The following DAAM2 variants were observed in gnomAD, a reference collection of about 807,000 sequenced individuals.
DAAM2 encodes the protein dishevelled associated activator of morphogenesis 2, also known as disheveled-associated activator of morphogenesis 2.
DAAM2 carries 39 observed loss-of-function variants against 120.7 expected under a neutral mutation model. The observed-to-expected ratio is 0.32, with a 90% CI of 0.25 to 0.42. DAAM2 has a LOEUF of 0.42. Among genes scored for constraint, DAAM2 ranks in the 10% least tolerant of loss-of-function variants. The probability of loss-of-function intolerance (pLI) is 1.00; values close to 1 mark genes in which losing one functional copy is unlikely to be tolerated. For synonymous variants in DAAM2, 488 were observed against 524.9 expected (o/e 0.93, Z 0.96); for missense variants, 1,283 against 1,401.7 (o/e 0.92, Z 1.35).
At position 39,904,180 on chromosome 6, in the gene DAAM2, A is replaced by G. The variant is rs79447033; in HGVS notation, c.*2143A>G. ...GGACTATGGAAGCTGTTCAAGATAC[A>G]TTTGATCTTCAGAAAAGCAGAATTT... On this transcript the variant is annotated 3_prime_UTR_variant, in exon 25 of 25. Coordinates refer to ENST00000274867, the MANE Select transcript of DAAM2 (RefSeq NM_001201427.2). 5.0e-4 allele frequency: 229 copies of G among 456,700 alleles called. 1 individual carries two copies. The highest frequency in any genetic ancestry group is 4.3e-3 in the African/African-American group (218 of 50,190). The allele number at this position is 456,700 out of a possible 1,614,324, so 28.3% of individuals were successfully genotyped here. A position where few individuals can be genotyped will look rare whatever the true frequency, so the allele number is the denominator to read the frequency against.
chr6:39,901,611 A>G lies in DAAM2; in HGVS notation c.2982+139A>G, dbSNP rs1766489427. The stretch of plus-strand genomic sequence containing the variant: ...ATAGGGGTTGGATGTCAGCCCCAGG[A>G]GAGAGAAACTTCTTCCCAGCCTGAG... On this transcript the variant is annotated intron_variant, in intron 24 of 24. Transcript: ENST00000274867. This position sits in a 1 kb window ranked among gnomAD's most constrained non-coding sequence, Gnocchi z 4.5. The G allele has an allele frequency of 1.8e-6, 2 of 1,086,522 alleles. No individual in the cohort carries two copies. Among genetic ancestry groups the G allele is most frequent in the African/African-American group, 3.2e-5 (2 of 63,190 alleles). 67.3% of individuals were successfully genotyped at this position (1,086,522 alleles called of 1,614,324 possible). A position where few individuals can be genotyped will look rare whatever the true frequency, so the allele number is the denominator to read the frequency against.
At chr6:39,795,371 C>T (rs190678400) in intron 1 of DAAM2, among the ~76,000 whole-genome samples, 11 of 152,240 alleles carry the variant, frequency 7.2e-5, no homozygotes, top group African/African-American at 1.4e-4. Context: ...AGAGGCAGCC[C>T]GACAACAATG....
chr6:39,853,000 C>T (rs1019688852), intron 1 of DAAM2, among the ~76,000 whole-genome samples: 7 of 152,128 alleles, frequency 4.6e-5, no homozygotes, highest in Non-Finnish European at 5.9e-5. Flanking sequence ...TCTGCTCTAG[C>T]GGAGGGAGGC....
At chr6:39,858,592 C>G (rs931781141) in intron 2 of DAAM2, among the ~76,000 whole-genome samples, 1 of 152,244 alleles carries the variant, frequency 6.6e-6, no homozygotes, top group East Asian at 1.9e-4. Context: ...CACATTCTTT[C>G]TGTACATCAG....
At chr6:39,824,225 G>C (rs2114149922) in intron 1 of DAAM2, among the ~76,000 whole-genome samples, 1 of 152,254 alleles carries the variant, frequency 6.6e-6, no homozygotes, top group Non-Finnish European at 1.5e-5. Context: ...TGCCTGCTGG[G>C]CAGTAGGCAC....
intron 11 of DAAM2, among the ~76,000 whole-genome samples, chr6:39,876,906 G>C (rs1294222430): frequency 6.6e-6 from 1 of 152,188 alleles, no homozygotes; most frequent in Admixed American, 6.5e-5. Context: ...GGTCTTACTT[G>C]ATAAGATAAT....
At chr6:39,825,720 CTGTACTGAG>C (rs533804615) in intron 1 of DAAM2, among the ~76,000 whole-genome samples, 133 of 152,316 alleles carry the variant, frequency 8.7e-4, no homozygotes, top group African/African-American at 2.9e-3. Flanking sequence ...ACCCCGATAT[CTGTACTGAG>C]TGTACTGAGT....
chr6:39,803,653 C>T (rs1168677483), intron 1 of DAAM2, among the ~76,000 whole-genome samples: 4 of 152,142 alleles, frequency 2.6e-5, no homozygotes, highest in Non-Finnish European at 4.4e-5. Flanking sequence ...GAATCTGAAG[C>T]TCATGCATAT....
intron 1 of DAAM2, among the ~76,000 whole-genome samples, chr6:39,849,998 T>G (rs1763745385): frequency 6.6e-6 from 1 of 151,792 alleles, no homozygotes; most frequent in Non-Finnish European, 1.5e-5. Context: ...TTATGTTCCA[T>G]GCAGCAGCTC....
Position 39,868,938 on chromosome 6 carries a change from G to C in DAAM2, c.873+5G>C, listed in dbSNP as rs1302228547. 6.4e-7 allele frequency: 1 copy of C among 1,556,990 alleles called. No individual in the cohort carries two copies. The highest frequency in any genetic ancestry group is 8.7e-7 in the Non-Finnish European group (1 of 1,146,480). On this transcript the variant is annotated splice_donor_5th_base_variant and intron_variant, in intron 7 of 24. Coordinates refer to ENST00000274867, the MANE Select transcript of DAAM2 (RefSeq NM_001201427.2). ...CTCAATGCTGGAGCTGGAGAGGTGG[G>C]GTGCCTTCTCCTTGCCCTTGCTGTT...
chr6:39,870,315 C>T lies in DAAM2; in HGVS notation c.874-25C>T, dbSNP rs1240473419. The T allele has an allele frequency of 3.5e-6, 5 of 1,440,238 alleles. No individual in the cohort carries two copies. The East Asian group carries it at 1.2e-4, about 35-fold the overall frequency. 89.2% of individuals were successfully genotyped at this position (1,440,238 alleles called of 1,614,324 possible). On this transcript the variant is annotated intron_variant, in intron 7 of 24. Coordinates refer to ENST00000274867, the MANE Select transcript of DAAM2 (RefSeq NM_001201427.2). The stretch of plus-strand genomic sequence containing the variant: ...TGGAAACTGAGATCTGCCAATGAGT[C>T]TGGCCCTCCCTTGGTGACCCCCAGG...
At chr6:39,843,958 G>T (rs1379268121) in intron 1 of DAAM2, among the ~76,000 whole-genome samples, 2 of 152,122 alleles carry the variant, frequency 1.3e-5, no homozygotes, top group Non-Finnish European at 2.9e-5. Context: ...GTATCTGAAT[G>T]TTGGAATCAG....
At chr6:39,845,624 G>GAC (rs1417261866) in intron 1 of DAAM2, among the ~76,000 whole-genome samples, 1 of 151,834 alleles carries the variant, frequency 6.6e-6, no homozygotes, top group African/African-American at 2.4e-5. Context: ...GAGAGTCAAA[G>GAC]ATATGCATTC....
chr6:39,873,227 T>C lies in DAAM2; in HGVS notation c.1045-11T>C. 2 of 1,585,830 alleles carry C rather than the reference T, an allele frequency of 1.3e-6. No individual in the cohort carries two copies. Among genetic ancestry groups the C allele is most frequent in the Non-Finnish European group, 1.7e-6 (2 of 1,157,862 alleles). The stretch of plus-strand genomic sequence containing the variant: ...CCTACCCACTGATCACTGTGCCCTC[T>C]TCTCTCCCAGGTCCACATCGACACC... On this transcript the variant is annotated splice_polypyrimidine_tract_variant and intron_variant, in intron 9 of 24. Coordinates refer to ENST00000274867, the MANE Select transcript of DAAM2 (RefSeq NM_001201427.2).
At chr6:39,794,570 G>A (rs1761644381) in intron 1 of DAAM2, among the ~76,000 whole-genome samples, 1 of 152,162 alleles carries the variant, frequency 6.6e-6, no homozygotes, top group Admixed American at 6.5e-5. Flanking sequence ...CAATAGGAAG[G>A]CCTGTAAATG....
chr6:39,895,261 A>G lies in DAAM2; in HGVS notation c.2342-1551A>G, dbSNP rs111641232. Among the ~76,000 whole-genome samples, 215 of 76,276 alleles carry G rather than the reference A, an allele frequency of 2.8e-3. 2 individuals carry two copies. In the Middle Eastern group the frequency reaches 0.034, roughly 12 times the overall value. 50.0% of individuals were successfully genotyped at this position (76,276 alleles called of 152,430 possible). A position where few individuals can be genotyped will look rare whatever the true frequency, so the allele number is the denominator to read the frequency against. On this transcript the variant is annotated intron_variant, in intron 19 of 24. Transcript: ENST00000274867. ...TTATTTATTTATTTATTTGAGACGGAGCCTCACTCTGTCGCCCAGGCTGGA... is the reference window on the plus strand; with the variant it reads ...TTATTTATTTATTTATTTGAGACGGGGCCTCACTCTGTCGCCCAGGCTGGA...
In DAAM2 at chr6:39,901,838, G is replaced by T; in HGVS notation, c.3008G>T (p.Arg1003Leu). The T allele has an allele frequency of 1.3e-6, 2 of 1,561,190 alleles. No individual in the cohort carries two copies. Among genetic ancestry groups the T allele is most frequent in the Non-Finnish European group, 1.7e-6 (2 of 1,150,068 alleles). The change falls in exon 25 of 25, where the codon CGG (arginine) becomes CTG (leucine). Residue 1003 changes from arginine (R) to leucine (L), a missense_variant. Physicochemically the swap from Arg to Leu is moderately radical, Grantham distance 102. Around this residue, in one of 3 missense-constraint regions of DAAM2, gnomAD observed 748 missense variants for 768.6 expected, o/e 0.97. Coordinates refer to ENST00000274867, the MANE Select transcript of DAAM2 (RefSeq NM_001201427.2). The surrounding 1 kb of genome is among the most constrained non-coding windows in gnomAD (Gnocchi z 4.5). Reference protein sequence around the residue: ...AMLKEQRERERWQRQRKVLAA... With the variant: ...AMLKEQRERELWQRQRKVLAA... Reference sequence around the variant, plus strand: ...CTGAAGGAGCAGAGGGAACGTGAGCGGTGGCAGCGGCAGCGGAAGGTCCTG... The same window carrying T: ...CTGAAGGAGCAGAGGGAACGTGAGCTGTGGCAGCGGCAGCGGAAGGTCCTG...
intron 1 of DAAM2, among the ~76,000 whole-genome samples, chr6:39,837,865 G>C (rs947375709): frequency 6.6e-6 from 1 of 152,088 alleles, no homozygotes; most frequent in African/African-American, 2.4e-5. Context: ...GCATATTCAA[G>C]CCAGCTAGTT....
intron 1 of DAAM2, among the ~76,000 whole-genome samples, chr6:39,841,662 A>G (rs2149253881): frequency 6.6e-6 from 1 of 152,176 alleles, no homozygotes; most frequent in East Asian, 1.9e-4. Flanking sequence ...TGGCTTCAAC[A>G]CTGGGCACTG....
Sources: allele counts gnomAD v4.1 joint callset (sites outside exome capture counted in the v4.1 genomes callset), GRCh38; gene constraint gnomAD v4.1.1; regional missense constraint gnomAD v4.1.1; non-coding constraint Gnocchi (gnomAD v3.1); transcripts MANE v1.5; gene names NCBI Gene and HGNC (gene_info 2026-07-23, HGNC 2026-07-21).